The following CNTNAP2 variants were observed in gnomAD, a reference collection of about 807,000 sequenced individuals.
CNTNAP2 encodes contactin-associated protein-like 2.
A neutral mutation model predicts 155.2 loss-of-function variants in CNTNAP2; 98 were observed. That is an observed-to-expected ratio of 0.63 (90% CI 0.54 to 0.75). The LOEUF is 0.75. Ranked by LOEUF, CNTNAP2 falls within the 30% of genes least tolerant of loss-of-function variation. CNTNAP2 has a pLI of 0.00. For synonymous variants in CNTNAP2, 651 were observed against 631.2 expected (o/e 1.03, Z -0.47); for missense variants, 1,727 against 1,688.1 (o/e 1.02, Z -0.40).
chr7:147,411,550 C>A (rs1008392142), intron 10 of CNTNAP2, among the ~76,000 whole-genome samples: 3 of 152,290 alleles, frequency 2.0e-5, no homozygotes, highest in Middle Eastern at 3.4e-3. Context: ...GAGACCCAGA[C>A]TCAAACATTC....
At chr7:147,467,208 A>C (rs1034663577) in intron 10 of CNTNAP2, among the ~76,000 whole-genome samples, 3 of 152,220 alleles carry the variant, frequency 2.0e-5, no homozygotes, top group Admixed American at 2.0e-4. Context: ...TGAAGCCATT[A>C]AAAGAGACAT....
intron 22 of CNTNAP2, among the ~76,000 whole-genome samples, chr7:148,405,603 ATTTTTTTTTTTTTT>A (rs535094195): frequency 8.1e-5 from 3 of 36,830 alleles, no homozygotes; most frequent in South Asian, 1.7e-3. Flanking sequence ...TGCACAGCTA[ATTTTTTTTTTTTTT>A]TTTTTTTTTT....
intron 1 of CNTNAP2, among the ~76,000 whole-genome samples, chr7:146,567,223 T>C (rs577419504): frequency 3.3e-5 from 5 of 152,324 alleles, no homozygotes; most frequent in African/African-American, 1.2e-4. Flanking sequence ...TCATTTTTTG[T>C]CTGCCTTGGC....
At chr7:147,162,468 G>GTGT (rs1802045167) in intron 8 of CNTNAP2, among the ~76,000 whole-genome samples, 2 of 152,310 alleles carry the variant, frequency 1.3e-5, no homozygotes, top group East Asian at 3.9e-4. Context: ...ATTCCTCCAT[G>GTGT]TGTTGCACAT....
intron 2 of CNTNAP2, among the ~76,000 whole-genome samples, chr7:146,835,757 A>G (rs1803604540): frequency 6.6e-6 from 1 of 152,176 alleles, no homozygotes; most frequent in Non-Finnish European, 1.5e-5. Context: ...GTTAATTAGG[A>G]GTGTTTTGGG....
chr7:147,645,933 AAATT>A (rs1250605038), intron 13 of CNTNAP2, among the ~76,000 whole-genome samples: 1 of 152,186 alleles, frequency 6.6e-6, no homozygotes, highest in Non-Finnish European at 1.5e-5. Context: ...TGGAAACCGG[AAATT>A]AATTCAGAGT....
chr7:147,979,346 G>T (rs1329375653), intron 15 of CNTNAP2, among the ~76,000 whole-genome samples: 1 of 152,118 alleles, frequency 6.6e-6, no homozygotes, highest in Non-Finnish European at 1.5e-5. Context: ...TTCACCTAAA[G>T]CAATAGTATA....
chr7:147,481,386 C>T (rs1371267064), intron 10 of CNTNAP2, among the ~76,000 whole-genome samples: 1 of 152,194 alleles, frequency 6.6e-6, no homozygotes, highest in Non-Finnish European at 1.5e-5. Context: ...TCCCAAAATT[C>T]CCAATGCTTT....
intron 21 of CNTNAP2, among the ~76,000 whole-genome samples, chr7:148,276,111 A>G (rs1383893895): frequency 6.6e-6 from 1 of 152,204 alleles, no homozygotes; most frequent in Non-Finnish European, 1.5e-5. Flanking sequence ...GACAGACCCA[A>G]GCTACTCCTG....
chr7:148,201,224 G>A (rs774813337), intron 18 of CNTNAP2, among the ~76,000 whole-genome samples: 6 of 152,136 alleles, frequency 3.9e-5, no homozygotes, highest in Non-Finnish European at 5.9e-5. Flanking sequence ...ACGTGCCTTC[G>A]CTAAATATCA....
At chr7:146,276,654 C>G (rs947117013) in intron 1 of CNTNAP2, among the ~76,000 whole-genome samples, 1 of 152,132 alleles carries the variant, frequency 6.6e-6, no homozygotes, top group Non-Finnish European at 1.5e-5. Flanking sequence ...GCCCTGCCAA[C>G]AGGCACCATG....
chr7:146,333,007 G>T (rs981736996), intron 1 of CNTNAP2, among the ~76,000 whole-genome samples: 1 of 141,562 alleles, frequency 7.1e-6, no homozygotes, highest in African/African-American at 2.7e-5. Flanking sequence ...GCAGTGGTGC[G>T]ATCTCGGCTT....
In CNTNAP2 at chr7:147,507,975, C is replaced by G. The variant is rs551855522; in HGVS notation, c.1777+21934C>G. Among the ~76,000 whole-genome samples, 11 of 152,238 alleles carry G rather than the reference C, an allele frequency of 7.2e-5. No individual in the cohort carries two copies. The South Asian group carries it at 2.3e-3, about 32-fold the overall frequency. On this transcript the variant is annotated intron_variant, in intron 11 of 23. Coordinates refer to ENST00000361727, the MANE Select transcript of CNTNAP2 (RefSeq NM_014141.6). Reference sequence around the variant, plus strand: ...CCTGGGCTTTTTCTTTAGCCTTGTCCTCCAGTAGTGGTGCTCTCCAGCTGT... The same window carrying G: ...CCTGGGCTTTTTCTTTAGCCTTGTCGTCCAGTAGTGGTGCTCTCCAGCTGT...
At chr7:147,499,838 C>T (rs55728357) in intron 11 of CNTNAP2, among the ~76,000 whole-genome samples, 43,575 of 151,962 alleles carry the variant, frequency 0.29, 6,372 homozygotes, top group East Asian at 0.43. Context: ...CTCTGAATGG[C>T]AAGGCTGAGA....
chr7:148,293,950 G>A (rs371046126), intron 21 of CNTNAP2, among the ~76,000 whole-genome samples: 5 of 144,024 alleles, frequency 3.5e-5, no homozygotes, highest in Admixed American at 1.5e-4. Flanking sequence ...CAGGAGAACC[G>A]CTTGAACCCG....
intron 14 of CNTNAP2, among the ~76,000 whole-genome samples, chr7:147,909,206 C>T (rs187970579): frequency 1.3e-5 from 2 of 152,130 alleles, no homozygotes. Flanking sequence ...AACACCCAGG[C>T]CAGTGTTCTT....
At chr7:147,720,748 C>T (rs1796554480) in intron 13 of CNTNAP2, among the ~76,000 whole-genome samples, 1 of 152,122 alleles carries the variant, frequency 6.6e-6, no homozygotes, top group South Asian at 2.1e-4. Flanking sequence ...TTCCCTTTCA[C>T]CTTCTGCCAT....
chr7:148,290,548 T>C (rs894450411), intron 21 of CNTNAP2, among the ~76,000 whole-genome samples: 1 of 152,244 alleles, frequency 6.6e-6, no homozygotes, highest in Non-Finnish European at 1.5e-5. Flanking sequence ...CTTCACTTTA[T>C]GCTATCATTT....
intron 22 of CNTNAP2, among the ~76,000 whole-genome samples, chr7:148,396,140 T>C (rs1799463693): frequency 6.6e-6 from 1 of 152,192 alleles, no homozygotes; most frequent in Non-Finnish European, 1.5e-5. Context: ...GTTGTACATG[T>C]TGCCATGGTG....
Sources: allele counts gnomAD v4.1 joint callset (sites outside exome capture counted in the v4.1 genomes callset), GRCh38; gene constraint gnomAD v4.1.1; transcripts MANE v1.5; gene names NCBI Gene and HGNC (gene_info 2026-07-23, HGNC 2026-07-21).